The following MYO1B variants were observed in gnomAD, a reference collection of about 807,000 sequenced individuals.
MYO1B encodes the protein unconventional myosin-Ib.
A neutral mutation model predicts 159.7 loss-of-function variants in MYO1B; 72 were observed. The observed-to-expected ratio is 0.45, with a 90% CI of 0.37 to 0.55. The LOEUF (loss-of-function observed/expected upper bound fraction) is 0.55. MYO1B is among the 20% of genes least tolerant of loss of function. MYO1B has a pLI of 0.00. For missense variants in MYO1B, 1,062 were observed against 1,364.8 expected, an observed-to-expected ratio of 0.78 and a Z score of 3.50; for synonymous variants, 468 against 473.8, an observed-to-expected ratio of 0.99 and a Z score of 0.16.
intron 3 of MYO1B, among the ~76,000 whole-genome samples, chr2:191,307,494 A>G (rs1434157131): frequency 1.3e-5 from 2 of 152,130 alleles, no homozygotes; most frequent in Non-Finnish European, 2.9e-5. Context: ...CCCTGTGACT[A>G]AGAATGCCTA....
chr2:191,291,910 C>T, intron 2 of MYO1B, among the ~76,000 whole-genome samples: 1 of 152,112 alleles, frequency 6.6e-6, no homozygotes, highest in East Asian at 1.9e-4. Flanking sequence ...TAAACCCCAC[C>T]CAGCAATCAG....
intron 1 of MYO1B, among the ~76,000 whole-genome samples, chr2:191,270,173 A>G (rs1250216987): frequency 1.3e-5 from 2 of 152,214 alleles, no homozygotes; most frequent in Non-Finnish European, 2.9e-5. Flanking sequence ...ACCTTGAGAC[A>G]ACATATCAAA....
Position 191,246,561 on chromosome 2 carries a change from T to C in MYO1B, c.-10+935T>C, listed in dbSNP as rs574345296. Among the ~76,000 whole-genome samples, 821 of 135,290 alleles carry C rather than the reference T, an allele frequency of 6.1e-3. 9 individuals are homozygous for C. Among genetic ancestry groups the C allele is most frequent in the African/African-American group, 0.029 (774 of 26,498 alleles). The allele number at this position is 135,290 out of a possible 152,430, so 88.8% of individuals were successfully genotyped here. A position where few individuals can be genotyped will look rare whatever the true frequency, so the allele number is the denominator to read the frequency against. On this transcript the variant is annotated intron_variant, in intron 1 of 30. Transcript: ENST00000392318. ...TTACAGTGAAAGAAGCCCCCCCCCC[T>C]TTTTTTTTGAGATTTGAAAAAATTT...
chr2:191,340,917 G>C lies in MYO1B; in HGVS notation c.347-544G>C, dbSNP rs574109820. Among the ~76,000 whole-genome samples the C allele has an allele frequency of 7.9e-5, 12 of 152,004 alleles. No homozygotes were observed. The South Asian group carries it at 2.3e-3, about 29-fold the overall frequency. On this transcript the variant is annotated intron_variant, in intron 4 of 30. Coordinates refer to ENST00000392318, the MANE Select transcript of MYO1B (RefSeq NM_001130158.3). ...ATTTTTGTATTTTAGAAGAGACAGG[G>C]TTTCACCATATCAGCCAGGCTGGTC...
At chr2:191,298,325 T>C (rs1344925166) in intron 3 of MYO1B, among the ~76,000 whole-genome samples, 2 of 152,234 alleles carry the variant, frequency 1.3e-5, no homozygotes, top group African/African-American at 4.8e-5. Flanking sequence ...AGACAAATAA[T>C]ATCTGAAATT....
At chr2:191,263,397 T>A in intron 1 of MYO1B, 1 of 934,300 alleles carries the variant, frequency 1.1e-6, no homozygotes, top group Non-Finnish European at 1.3e-6. Flanking sequence ...TGGTAAGCAG[T>A]TTTAATTTCT....
chr2:191,347,347 T>A (rs546532232), intron 6 of MYO1B, among the ~76,000 whole-genome samples: 35 of 152,348 alleles, frequency 2.3e-4, no homozygotes, highest in African/African-American at 8.2e-4. Context: ...ATTTGATCTG[T>A]GCCTTTTCCT....
At chr2:191,282,704 C>G (rs1194815363) in intron 2 of MYO1B, among the ~76,000 whole-genome samples, 2 of 152,154 alleles carry the variant, frequency 1.3e-5, no homozygotes, top group Non-Finnish European at 1.5e-5. Flanking sequence ...AGGAGGTTCT[C>G]TTTTATCTAG....
At chr2:191,247,631 CTT>C (rs897190978) in intron 1 of MYO1B, among the ~76,000 whole-genome samples, 1 of 152,168 alleles carries the variant, frequency 6.6e-6, no homozygotes, top group Non-Finnish European at 1.5e-5. Context: ...CAGAGGGAGA[CTT>C]TTTGTTGTTG....
chr2:191,352,781 G>A (rs534455155), intron 7 of MYO1B, among the ~76,000 whole-genome samples: 16 of 152,240 alleles, frequency 1.1e-4, no homozygotes, highest in South Asian at 8.3e-4. Context: ...CTGACTCATC[G>A]GTGGTCACTG....
chr2:191,374,055 C>T (rs796095936), intron 13 of MYO1B, among the ~76,000 whole-genome samples: 5 of 152,050 alleles, frequency 3.3e-5, no homozygotes, highest in South Asian at 2.1e-4. Context: ...GAGTTACAGA[C>T]GTGTTTTTCT....
rs186895714 is a variant in MYO1B at position 191,284,026 on chromosome 2, T to G, written c.135+6996T>G. On this transcript the variant is annotated intron_variant, in intron 2 of 30. Coordinates refer to ENST00000392318, the MANE Select transcript of MYO1B (RefSeq NM_001130158.3). Reference sequence around the variant, plus strand: ...TGGTGCTCTCAATTCAAAGGAAAAGTGATAGCAGCCATGACAATGATTTTT... The same window carrying G: ...TGGTGCTCTCAATTCAAAGGAAAAGGGATAGCAGCCATGACAATGATTTTT... Among the ~76,000 whole-genome samples, 294 of 152,300 alleles carry G rather than the reference T, an allele frequency of 1.9e-3. 1 individual carries two copies. The highest frequency in any genetic ancestry group is 6.8e-3 in the African/African-American group (283 of 41,562).
intron 1 of MYO1B, among the ~76,000 whole-genome samples, chr2:191,257,884 A>G (rs1686551944): frequency 6.6e-6 from 1 of 152,194 alleles, no homozygotes; most frequent in Non-Finnish European, 1.5e-5. Context: ...TTTATCTTCA[A>G]TGACAAATGC....
At chr2:191,274,192 T>C (rs1687619453) in intron 1 of MYO1B, among the ~76,000 whole-genome samples, 2 of 152,228 alleles carry the variant, frequency 1.3e-5, no homozygotes, top group Admixed American at 6.5e-5. Context: ...ACCTTTTCAC[T>C]GTGGCTTGCT....
At chr2:191,296,552 A>G (rs759552829) in intron 3 of MYO1B, among the ~76,000 whole-genome samples, 13 of 152,214 alleles carry the variant, frequency 8.5e-5, no homozygotes, top group Non-Finnish European at 1.6e-4. Flanking sequence ...TAAAGAGCCT[A>G]AGCAGCTTTT....
chr2:191,258,043 T>A (rs985237396), intron 1 of MYO1B, among the ~76,000 whole-genome samples: 7 of 152,238 alleles, frequency 4.6e-5, no homozygotes, highest in African/African-American at 9.6e-5. Flanking sequence ...AGGAATTTTT[T>A]AAATTAGAAC....
chr2:191,421,771 C>A (rs1365615044), intron 30 of MYO1B, among the ~76,000 whole-genome samples: 1 of 152,220 alleles, frequency 6.6e-6, no homozygotes, highest in African/African-American at 2.4e-5. Flanking sequence ...CCACTGTGCC[C>A]AGCCACAAGT....
At position 191,364,291 on chromosome 2, in the gene MYO1B, A is replaced by G. The variant is rs374669280; in HGVS notation, c.1032+15A>G. On this transcript the variant is annotated intron_variant, in intron 11 of 30. Coordinates refer to ENST00000392318, the MANE Select transcript of MYO1B (RefSeq NM_001130158.3). ...ATGTGGCTCAGGTGGGTGAAACATA[A>G]TGTACAGACGAAAGTTTCTTAAAAG... 18 of 1,578,412 alleles carry G rather than the reference A, an allele frequency of 1.1e-5. No individual in the cohort carries two copies. Among genetic ancestry groups the G allele is most frequent in the Non-Finnish European group, 1.6e-5 (18 of 1,148,324 alleles).
rs1695039819 is a variant in MYO1B, at chr2:191,381,523, T to C, written c.1247T>C (p.Ile416Thr). The C allele has an allele frequency of 4.2e-5, 68 of 1,613,592 alleles. No individual in the cohort carries two copies. The highest frequency in any genetic ancestry group is 5.5e-5 in the Non-Finnish European group (65 of 1,179,742). The change falls in exon 14 of 31, where the codon ATT (isoleucine) becomes ACT (threonine). Residue 416 changes from isoleucine (I) to threonine (T), a missense_variant. Ile to Thr is a moderately conservative substitution (Grantham distance 89). Transcript: ENST00000392318. ...YCNEKLQQIF[I>T]ELTLKEEQEE... is the part of the protein sequence containing the mutation. ...AACGAAAAGCTGCAACAAATCTTCA[T>C]TGAACTTACTCTTAAAGAAGAGCAG...
Sources: gnomAD v4.1 joint callset for allele counts (sites outside exome capture counted in the v4.1 genomes callset) on GRCh38, gnomAD v4.1.1 for gene constraint, MANE v1.5 for transcripts, NCBI Gene and HGNC (gene_info 2026-07-23, HGNC 2026-07-21) for gene names.